The following CSRNP3 variants were observed in gnomAD, a reference collection of about 807,000 sequenced individuals.
CSRNP3 encodes the protein cysteine and serine rich nuclear protein 3.
Under a neutral mutation model 48.0 loss-of-function variants are expected in CSRNP3, and 12 were observed. That is an observed-to-expected ratio of 0.25 (90% CI 0.16 to 0.41). The LOEUF (loss-of-function observed/expected upper bound fraction) is 0.41. Ranked by LOEUF, CSRNP3 falls within the 10% of genes least tolerant of loss-of-function variation. The pLI is 1.00. For missense variants in CSRNP3, 580 were observed against 724.4 expected, an observed-to-expected ratio of 0.80 and a Z score of 2.29; for synonymous variants, 263 against 269.7, an observed-to-expected ratio of 0.98 and a Z score of 0.24.
intron 4 of CSRNP3, among the ~76,000 whole-genome samples, chr2:165,637,010 G>A (rs996144567): frequency 1.3e-5 from 2 of 152,104 alleles, no homozygotes; most frequent in African/African-American, 4.8e-5. Flanking sequence ...GATAGGTTTG[G>A]TTGGCTTGTT....
rs890129711 is a variant in CSRNP3, at chr2:165,573,733, G to A, written c.-23-21310G>A. Among the ~76,000 whole-genome samples the A allele has an allele frequency of 2.0e-5, 3 of 152,272 alleles. No individual in the cohort carries two copies. The South Asian group carries it at 6.2e-4, about 32-fold the overall frequency. On this transcript the variant is annotated intron_variant, in intron 3 of 6. Transcript: ENST00000651982. ...TACAGAATTACTATAGTGACCTCATGTATTTGTGTAGTGACTAATATAAAT... is the reference window on the plus strand; with the variant it reads ...TACAGAATTACTATAGTGACCTCATATATTTGTGTAGTGACTAATATAAAT...
rs542185431 is a variant in CSRNP3 at position 165,685,474 on chromosome 2, G to C, written c.*5721G>C. Reference sequence around the variant, plus strand: ...CAGTAGAATGATGGGAACCAGGAGAGTGAATACGACCAGATTCAAAGCCTA... The same window carrying C: ...CAGTAGAATGATGGGAACCAGGAGACTGAATACGACCAGATTCAAAGCCTA... On this transcript the variant is annotated 3_prime_UTR_variant, in exon 7 of 7. Transcript: ENST00000651982. 1 of 152,040 alleles carries C rather than the reference G, an allele frequency of 6.6e-6. No homozygotes were observed. The highest frequency in any genetic ancestry group is 1.5e-5 in the Non-Finnish European group (1 of 67,994). 9.4% of individuals were successfully genotyped at this position (152,040 alleles called of 1,614,324 possible).
intron 5 of CSRNP3, among the ~76,000 whole-genome samples, chr2:165,668,401 C>CTTTTTTTTTTTTTT (rs71393687): frequency 1.1e-4 from 12 of 111,494 alleles, no homozygotes; most frequent in Non-Finnish European, 1.6e-4. Flanking sequence ...TTCTTTCTTT[C>CTTTTTTTTTTTTTT]TTTTTTTTTT....
chr2:165,472,834 G>A (rs555036979), intron 1 of CSRNP3, among the ~76,000 whole-genome samples: 32 of 152,046 alleles, frequency 2.1e-4, no homozygotes, highest in African/African-American at 7.5e-4. Context: ...CTTAAACTAC[G>A]TGTTAAAATA....
intron 4 of CSRNP3, among the ~76,000 whole-genome samples, chr2:165,649,439 TCTC>T (rs1358480938): frequency 2.6e-5 from 4 of 152,184 alleles, no homozygotes; most frequent in African/African-American, 9.6e-5. Flanking sequence ...TAAACCTAGT[TCTC>T]CTCTACCAAA....
chr2:165,492,314 AG>A (rs1412230788), intron 1 of CSRNP3, among the ~76,000 whole-genome samples: 4 of 152,186 alleles, frequency 2.6e-5, no homozygotes. Flanking sequence ...TATAGTTTTA[AG>A]TACCTGTAGT....
intron 4 of CSRNP3, among the ~76,000 whole-genome samples, chr2:165,635,011 T>G (rs1242042766): frequency 6.6e-6 from 1 of 151,858 alleles, no homozygotes; most frequent in Non-Finnish European, 1.5e-5. Flanking sequence ...CTGAGGGGAG[T>G]GTTCCCAGAC....
chr2:165,543,351 G>GCT (rs1194781373), intron 3 of CSRNP3, among the ~76,000 whole-genome samples: 2 of 151,884 alleles, frequency 1.3e-5, no homozygotes, highest in East Asian at 3.9e-4. Context: ...AATACATTTA[G>GCT]CTAGTAAAGA....
intron 3 of CSRNP3, among the ~76,000 whole-genome samples, chr2:165,527,614 G>C (rs547331041): frequency 6.6e-6 from 1 of 152,066 alleles, no homozygotes; most frequent in Non-Finnish European, 1.5e-5. Flanking sequence ...GGTATGTCTG[G>C]ATGGTTGGCT....
chr2:165,516,357 G>T (rs1302256048), intron 2 of CSRNP3, among the ~76,000 whole-genome samples: 1 of 152,016 alleles, frequency 6.6e-6, no homozygotes, highest in Non-Finnish European at 1.5e-5. Context: ...GTTCTCAATA[G>T]AATTTTAAGA....
At chr2:165,577,913 T>TA (rs1685479281) in intron 3 of CSRNP3, among the ~76,000 whole-genome samples, 2 of 151,972 alleles carry the variant, frequency 1.3e-5, no homozygotes, top group Non-Finnish European at 2.9e-5. Flanking sequence ...ACATATAGTA[T>TA]AGGAACACAC....
Position 165,679,129 on chromosome 2 carries a change from GGAA to G in CSRNP3, c.1137_1139del (p.Glu383del), listed in dbSNP as rs1558972677. 3 of 1,613,760 alleles carry G rather than the reference GGAA, an allele frequency of 1.9e-6. No homozygotes were observed. In the Admixed American group the frequency reaches 5.0e-5, roughly 27 times the overall value. On this transcript the variant is annotated inframe_deletion, in exon 7 of 7. Transcript: ENST00000651982. ...ACGAGGAGGAGGAGGAAGAAGAAGA[GGAA>G]GAGGAGGAGGAGGATGACGATGATG... is the stretch of plus-strand genomic sequence containing the variant.
rs556118972 is a variant in CSRNP3 at position 165,563,058 on chromosome 2, T to G, written c.-23-31985T>G. 5.3e-5 allele frequency among the ~76,000 whole-genome samples: 8 copies of G among 152,256 alleles called. No individual in the cohort carries two copies. In the South Asian group the frequency reaches 1.7e-3, roughly 32 times the overall value. ...CTGAAAATGTGCTTCTATACCAGAC[T>G]CTCCTATTTGTAGCCAAAGATTTAT... On this transcript the variant is annotated intron_variant, in intron 3 of 6. Coordinates refer to ENST00000651982, the MANE Select transcript of CSRNP3 (RefSeq NM_001172173.2).
chr2:165,570,889 CATTT>C (rs939364131), intron 3 of CSRNP3, among the ~76,000 whole-genome samples: 18 of 151,942 alleles, frequency 1.2e-4, no homozygotes, highest in African/African-American at 4.1e-4. Flanking sequence ...AAGTCATAAA[CATTT>C]ATTTAAGTCA....
chr2:165,666,941 A>AGAAAGAGAGGAAGGAAGGAAG (rs1687229683), intron 5 of CSRNP3, among the ~76,000 whole-genome samples: 4 of 140,474 alleles, frequency 2.8e-5, no homozygotes, highest in South Asian at 2.4e-4. Context: ...AGAAGAAGAA[A>AGAAAGAGAGGAAGGAAGGAAG]GAAAGAGAGA....
In CSRNP3 at chr2:165,625,414, G is replaced by A. The variant is rs182277659; in HGVS notation, c.148+30201G>A. Among the ~76,000 whole-genome samples, 760 of 151,650 alleles carry A rather than the reference G, an allele frequency of 5.0e-3. 9 individuals carry two copies. The highest frequency in any genetic ancestry group is 0.018 in the African/African-American group (726 of 41,274). The stretch of plus-strand genomic sequence containing the variant: ...GGCCAAGGTGGGTGGATCATCTGAG[G>A]TCAGGAGTTCGAGACCAGCCTGGCA... On this transcript the variant is annotated intron_variant, in intron 4 of 6. Coordinates refer to ENST00000651982, the MANE Select transcript of CSRNP3 (RefSeq NM_001172173.2).
At chr2:165,516,098 G>A (rs1439064228) in intron 2 of CSRNP3, among the ~76,000 whole-genome samples, 1 of 152,050 alleles carries the variant, frequency 6.6e-6, no homozygotes, top group African/African-American at 2.4e-5. Flanking sequence ...GAGCCACTGT[G>A]CCCGGCCACA....
intron 3 of CSRNP3, among the ~76,000 whole-genome samples, chr2:165,560,551 C>G (rs1158433887): frequency 6.6e-6 from 1 of 152,180 alleles, no homozygotes; most frequent in East Asian, 1.9e-4. Flanking sequence ...CCATCTGGTT[C>G]CCACTGAGTG....
At chr2:165,666,258 AAGAC>A (rs770443054) in intron 5 of CSRNP3, among the ~76,000 whole-genome samples, 5 of 121,464 alleles carry the variant, frequency 4.1e-5, no homozygotes, top group African/African-American at 6.5e-5. Context: ...GGAAGAAAGA[AAGAC>A]AGAGAGAGGA....
Sources: gnomAD v4.1 joint callset for allele counts (sites outside exome capture counted in the v4.1 genomes callset) on GRCh38, gnomAD v4.1.1 for gene constraint, MANE v1.5 for transcripts, NCBI Gene and HGNC (gene_info 2026-07-23, HGNC 2026-07-21) for gene names.